The following ROBO2 variants were observed in gnomAD, a reference collection of about 807,000 sequenced individuals.
ROBO2 encodes roundabout homolog 2.
In ROBO2, 53 loss-of-function variants were observed where a neutral mutation model predicts 160.8. The ratio of observed to expected loss-of-function variants is 0.33; its 90% CI spans 0.26 to 0.41. The LOEUF (loss-of-function observed/expected upper bound fraction) is 0.41, where lower values mean the gene tolerates loss of function less well. Among genes scored for constraint, ROBO2 ranks in the 10% least tolerant of loss-of-function variants. ROBO2 has a pLI of 1.00. For synonymous variants in ROBO2, 664 were observed against 611.7 expected (o/e 1.09, Z -1.26); for missense variants, 1,577 against 1,722.4 (o/e 0.92, Z 1.49).
intron 2 of ROBO2, among the ~76,000 whole-genome samples, chr3:76,309,870 C>A (rs975223571): frequency 1.3e-5 from 2 of 152,144 alleles, no homozygotes; most frequent in Non-Finnish European, 2.9e-5. Context: ...ATCGCCCAGG[C>A]TGGAGTATAG....
intron 2 of ROBO2, among the ~76,000 whole-genome samples, chr3:76,402,507 T>A (rs2108767644): frequency 6.6e-6 from 1 of 151,702 alleles, no homozygotes; most frequent in South Asian, 2.1e-4. Flanking sequence ...AAATGTATTA[T>A]CTCATAGTTC....
At chr3:77,074,590 A>C (rs1324392380) in intron 1 of ROBO2, among the ~76,000 whole-genome samples, 2 of 152,216 alleles carry the variant, frequency 1.3e-5, no homozygotes, top group Non-Finnish European at 2.9e-5. Context: ...ATTTAGAAAA[A>C]GTTATGTCCT....
At chr3:77,408,562 C>G (rs2076443745) in intron 2 of ROBO2, among the ~76,000 whole-genome samples, 1 of 152,026 alleles carries the variant, frequency 6.6e-6, no homozygotes, top group Admixed American at 6.6e-5. Flanking sequence ...TGGGTAAAAT[C>G]TCTTTTGTTG....
intron 2 of ROBO2, among the ~76,000 whole-genome samples, chr3:77,235,353 A>AT (rs1363911094): frequency 1.5e-5 from 2 of 136,114 alleles, no homozygotes; most frequent in Non-Finnish European, 3.3e-5. Context: ...TGAGAGGAGA[A>AT]TATTTTTTTT....
intron 2 of ROBO2, among the ~76,000 whole-genome samples, chr3:76,443,266 G>A (rs1464850796): frequency 1.3e-5 from 2 of 151,958 alleles, no homozygotes; most frequent in South Asian, 2.1e-4. Flanking sequence ...CTCCCATCAG[G>A]CCCCACCTCC....
intron 2 of ROBO2, among the ~76,000 whole-genome samples, chr3:76,853,213 A>C (rs1453587177): frequency 6.6e-6 from 1 of 152,104 alleles, no homozygotes; most frequent in African/African-American, 2.4e-5. Flanking sequence ...TTTTTAAAAA[A>C]TATTTCCAGT....
chr3:75,958,527 G>A (rs1948797243), intron 2 of ROBO2, among the ~76,000 whole-genome samples: 1 of 151,688 alleles, frequency 6.6e-6, no homozygotes, highest in Non-Finnish European at 1.5e-5. Flanking sequence ...AGGATAAATA[G>A]GAGTTTGCTG....
chr3:76,001,547 T>C (rs908732250), intron 2 of ROBO2, among the ~76,000 whole-genome samples: 2 of 152,102 alleles, frequency 1.3e-5, no homozygotes, highest in Non-Finnish European at 2.9e-5. Context: ...TATGTGTGTG[T>C]GTGTGTCTGT....
intron 2 of ROBO2, among the ~76,000 whole-genome samples, chr3:76,811,927 A>G (rs998562364): frequency 1.4e-5 from 2 of 146,238 alleles, no homozygotes; most frequent in African/African-American, 2.5e-5. Context: ...CTGGAGTGCA[A>G]TGGCACAATC....
At chr3:76,450,629 A>G (rs1255898245) in intron 2 of ROBO2, among the ~76,000 whole-genome samples, 1 of 152,054 alleles carries the variant, frequency 6.6e-6, no homozygotes, top group East Asian at 1.9e-4. Flanking sequence ...GAAAATTCTA[A>G]ACAATTGGCT....
intron 2 of ROBO2, among the ~76,000 whole-genome samples, chr3:77,126,459 C>G (rs1252493718): frequency 1.3e-5 from 2 of 152,058 alleles, no homozygotes; most frequent in Non-Finnish European, 2.9e-5. Flanking sequence ...AAAAGATTAT[C>G]CCTTGTGGTT....
intron 2 of ROBO2, among the ~76,000 whole-genome samples, chr3:77,465,155 G>A (rs1271432852): frequency 1.3e-5 from 2 of 151,972 alleles, no homozygotes; most frequent in East Asian, 3.9e-4. Flanking sequence ...AGGGAGTAAG[G>A]TTAATATGGT....
intron 5 of ROBO2, among the ~76,000 whole-genome samples, chr3:77,512,995 G>A (rs950167580): frequency 7.9e-5 from 12 of 151,792 alleles, no homozygotes; most frequent in African/African-American, 2.4e-4. Context: ...GAAGTAGTAG[G>A]TGATTTCAAA....
At chr3:76,808,541 A>G (rs2064918633) in intron 2 of ROBO2, among the ~76,000 whole-genome samples, 2 of 152,156 alleles carry the variant, frequency 1.3e-5, no homozygotes, top group African/African-American at 2.4e-5. Context: ...GTTAAAATAT[A>G]TGGTATATAA....
intron 2 of ROBO2, among the ~76,000 whole-genome samples, chr3:76,696,834 A>C (rs886270726): frequency 2.6e-5 from 4 of 152,158 alleles, no homozygotes; most frequent in African/African-American, 9.6e-5. Context: ...GAGAAAGCAC[A>C]ATTCTTATTG....
chr3:76,504,517 CTCTT>C (rs1560058460), intron 2 of ROBO2, among the ~76,000 whole-genome samples: 2 of 119,314 alleles, frequency 1.7e-5, no homozygotes, highest in Admixed American at 9.0e-5. Flanking sequence ...TTAGAAAATA[CTCTT>C]TTTTTTTTTT....
At chr3:76,506,680 T>C (rs13060415) in intron 2 of ROBO2, among the ~76,000 whole-genome samples, 45,835 of 152,126 alleles carry the variant, frequency 0.3, 8,561 homozygotes, top group Non-Finnish European at 0.41. Context: ...TCAGACAAGA[T>C]GGTGCTTATG....
chr3:77,146,917 A>C (rs116683855), intron 2 of ROBO2, among the ~76,000 whole-genome samples: 1,998 of 152,290 alleles, frequency 0.013, 65 homozygotes, highest in African/African-American at 0.045. Flanking sequence ...CGGTGAGCCA[A>C]AATTACGCCA....
intron 2 of ROBO2, among the ~76,000 whole-genome samples, chr3:76,364,818 A>G (rs1291612259): frequency 2.0e-5 from 3 of 152,038 alleles, no homozygotes; most frequent in African/African-American, 7.2e-5. Flanking sequence ...TTCTTTTACA[A>G]TATCTTTTTT....
Sources: allele counts gnomAD v4.1 joint callset (sites outside exome capture counted in the v4.1 genomes callset), GRCh38; gene constraint gnomAD v4.1.1; transcripts MANE v1.5; gene names NCBI Gene and HGNC (gene_info 2026-07-23, HGNC 2026-07-21).